AGBL3: variants seen among roughly 807,000 people sequenced by gnomAD.
AGBL3 encodes cytosolic carboxypeptidase 3.
A neutral mutation model predicts 94.5 loss-of-function variants in AGBL3; 68 were observed. The ratio of observed to expected loss-of-function variants is 0.72; its 90% CI spans 0.59 to 0.88. The LOEUF is 0.88. AGBL3 is among the 40% of genes least tolerant of loss of function. The pLI is 0.00. For synonymous variants in AGBL3, 354 were observed against 370.7 expected (o/e 0.95, Z 0.52); for missense variants, 934 against 1,103.8 (o/e 0.85, Z 2.18).
chr7:135,013,218 AC>A (rs1813372859), intron 4 of AGBL3, among the ~76,000 whole-genome samples: 1 of 152,218 alleles, frequency 6.6e-6, no homozygotes, highest in Non-Finnish European at 1.5e-5. Context: ...ATACCACTTT[AC>A]ATCTACCAGG....
At chr7:135,058,159 C>A (rs1818502086) in intron 11 of AGBL3, among the ~76,000 whole-genome samples, 1 of 152,024 alleles carries the variant, frequency 6.6e-6, no homozygotes, top group Non-Finnish European at 1.5e-5. Context: ...ACAAATGTAC[C>A]ACATACTATA....
intron 15 of AGBL3, among the ~76,000 whole-genome samples, chr7:135,090,323 G>C (rs888813266): frequency 2.0e-5 from 3 of 152,166 alleles, no homozygotes; most frequent in Non-Finnish European, 2.9e-5. Flanking sequence ...TTCCAGGGAG[G>C]GGGTATCTCA....
chr7:134,999,158 T>C (rs1478268074), intron 4 of AGBL3, among the ~76,000 whole-genome samples: 2 of 152,242 alleles, frequency 1.3e-5, no homozygotes, highest in African/African-American at 2.4e-5. Flanking sequence ...TGAAGAAATA[T>C]AACTTGATGG....
chr7:135,020,105 C>G (rs1419021354), intron 5 of AGBL3, among the ~76,000 whole-genome samples: 2 of 152,110 alleles, frequency 1.3e-5, no homozygotes, highest in Non-Finnish European at 2.9e-5. Context: ...CAAAAGAAAC[C>G]ACCATCAGAG....
In AGBL3 at chr7:135,135,777, G is replaced by A. The variant is rs757332343; in HGVS notation, c.*516G>A. ...CCTGAATAAAATGATTACAGAATAA[G>A]ATAAAGTGTTAAGTTGTGCACTTCC... On this transcript the variant is annotated 3_prime_UTR_variant, in exon 17 of 17. Transcript: ENST00000436302. 1 of 152,134 alleles carries A rather than the reference G, an allele frequency of 6.6e-6. No homozygotes were observed. The highest frequency in any genetic ancestry group is 1.5e-5 in the Non-Finnish European group (1 of 68,044). The allele number at this position is 152,134 out of a possible 1,614,324, so 9.4% of individuals were successfully genotyped here. A position where few individuals can be genotyped will look rare whatever the true frequency, so the allele number is the denominator to read the frequency against.
At chr7:135,036,936 A>T (rs371122359) in intron 7 of AGBL3, among the ~76,000 whole-genome samples, 10 of 77,942 alleles carry the variant, frequency 1.3e-4, no homozygotes, top group African/African-American at 4.0e-4. Context: ...CTTTTTTTTT[A>T]GACGGAGTCT....
chr7:135,071,532 C>G (rs1295294469), intron 12 of AGBL3, among the ~76,000 whole-genome samples: 1 of 152,122 alleles, frequency 6.6e-6, no homozygotes, highest in Non-Finnish European at 1.5e-5. Context: ...CTACATTAAC[C>G]AAAACAGCAT....
intron 12 of AGBL3, among the ~76,000 whole-genome samples, chr7:135,067,573 C>A (rs1345487517): frequency 2.0e-5 from 3 of 152,234 alleles, no homozygotes; most frequent in Non-Finnish European, 2.9e-5. Context: ...GCAGCATTTG[C>A]TGTTCACCAA....
chr7:135,059,783 A>G (rs1818666276), intron 12 of AGBL3, among the ~76,000 whole-genome samples: 1 of 152,230 alleles, frequency 6.6e-6, no homozygotes, highest in Admixed American at 6.5e-5. Flanking sequence ...AGTTTGGGAT[A>G]GAGGCTACCA....
At chr7:135,014,378 A>C (rs1813526843) in intron 4 of AGBL3, among the ~76,000 whole-genome samples, 2 of 150,958 alleles carry the variant, frequency 1.3e-5, no homozygotes, top group African/African-American at 5.0e-5. Context: ...TTAATTCAGA[A>C]GGTGTTTTCT....
chr7:135,123,876 A>G (rs1214802732), intron 16 of AGBL3, among the ~76,000 whole-genome samples: 1 of 152,212 alleles, frequency 6.6e-6, no homozygotes, highest in African/African-American at 2.4e-5. Flanking sequence ...GCTGCCTTGC[A>G]AGAGCTCCTG....
chr7:135,030,434 A>T (rs980963621), intron 5 of AGBL3, among the ~76,000 whole-genome samples: 1 of 152,182 alleles, frequency 6.6e-6, no homozygotes, highest in Non-Finnish European at 1.5e-5. Flanking sequence ...CTTTTACACC[A>T]TTGTAAAGCT....
Position 135,034,450 on chromosome 7 carries a change from C to T in AGBL3, c.859C>T (p.Pro287Ser), listed in dbSNP as rs1207636551. 1.3e-6 allele frequency: 2 copies of T among 1,551,748 alleles called. No individual in the cohort carries two copies. Among genetic ancestry groups the T allele is most frequent in the East Asian group, 4.9e-5 (2 of 40,928 alleles). The change falls in exon 7 of 17, where the codon CCA becomes TCA. Residue 287 changes from proline (P) to serine (S), a missense_variant. By Grantham distance (74) the Pro-to-Ser change is moderately conservative. Around this residue, in one of 3 missense-constraint regions of AGBL3, gnomAD observed 488 missense variants for 563.6 expected, o/e 0.87. Transcript: ENST00000436302. ...YFSLTWTFQF[P>S]HNKDTCYFAH... ...CTCTCTTACATGGACATTTCAATTT[C>T]CACACAACAAAGATACCTGCTACTT...
rs187898331 is a variant in AGBL3, at chr7:135,092,135, G to T, written c.2110+10345G>T. Among the ~76,000 whole-genome samples the T allele has an allele frequency of 3.3e-5, 5 of 152,262 alleles. No individual in the cohort carries two copies. In the East Asian group the frequency reaches 9.6e-4, roughly 29 times the overall value. ...ACTTGTAATATATCTGGGATGGAGAGAACTCATTCAGAGCCTTATGATTTC... is the reference window on the plus strand; with the variant it reads ...ACTTGTAATATATCTGGGATGGAGATAACTCATTCAGAGCCTTATGATTTC... On this transcript the variant is annotated intron_variant, in intron 15 of 16. Transcript: ENST00000436302.
Position 135,126,994 on chromosome 7 carries a change from C to T in AGBL3, c.2343-7847C>T, listed in dbSNP as rs1229469547. ...CATGACAAAACACCAAAAGCAATTG[C>T]AACAGAAGCCAAAATTGACAAATGG... On this transcript the variant is annotated intron_variant, in intron 16 of 16. Transcript: ENST00000436302. Among the ~76,000 whole-genome samples the T allele has an allele frequency of 2.6e-5, 4 of 152,190 alleles. No individual in the cohort carries two copies. In the East Asian group the frequency reaches 7.7e-4, roughly 29 times the overall value.
At chr7:134,993,372 CATTT>C (rs1367429005) in intron 3 of AGBL3, 117 bp from the exon 4 acceptor site, 1 of 802,118 alleles carries the variant, frequency 1.2e-6, no homozygotes, top group Non-Finnish European at 1.8e-6. Context: ...AATTATAAAA[CATTT>C]ATAATGATAC....
At chr7:135,085,431 T>C (rs1329708136) in intron 15 of AGBL3, among the ~76,000 whole-genome samples, 1 of 152,136 alleles carries the variant, frequency 6.6e-6, no homozygotes, top group African/African-American at 2.4e-5. Flanking sequence ...ATCAGACCAA[T>C]GTCCTGAAGC....
chr7:134,988,262 A>G, intron 2 of AGBL3: 1 of 304,094 alleles, frequency 3.3e-6, no homozygotes, highest in Non-Finnish European at 6.1e-6. Flanking sequence ...TTTGTATATG[A>G]AATTATTAGT....
chr7:135,119,007 G>C (rs984183711), intron 16 of AGBL3, among the ~76,000 whole-genome samples: 1 of 152,088 alleles, frequency 6.6e-6, no homozygotes, highest in Non-Finnish European at 1.5e-5. Flanking sequence ...AAAATGAATA[G>C]AGCTGCAGGC....
Sources: allele counts gnomAD v4.1 joint callset (sites outside exome capture counted in the v4.1 genomes callset), GRCh38; gene constraint gnomAD v4.1.1; regional missense constraint gnomAD v4.1.1; transcripts MANE v1.5; gene names NCBI Gene and HGNC (gene_info 2026-07-23, HGNC 2026-07-21).